UBE2A: variants seen among roughly 807,000 people sequenced by gnomAD.
UBE2A encodes the protein ubiquitin-conjugating enzyme E2 A.
For missense variants in UBE2A, 27 were observed against 125.8 expected (o/e 0.21, Z 3.76); for synonymous variants, 39 against 41.1 (o/e 0.95, Z 0.20).
Position 119,574,703 on chromosome X carries a change from G to T in UBE2A, c.-9G>T, listed in dbSNP as rs1031233446. 1.7e-6 allele frequency: 2 copies of T among 1,196,760 alleles called. No individual in the cohort carries two copies. The highest frequency in any genetic ancestry group is 3.5e-5 in the African/African-American group (2 of 57,701). On this transcript the variant is annotated 5_prime_UTR_variant, in exon 1 of 6. Coordinates refer to ENST00000371558, the MANE Select transcript of UBE2A (RefSeq NM_003336.4). ...CAGTGTATGCCCCACCCCTGACCCCGCTCGCGACATGTCCACCCCGGCTCG... is the reference window on the plus strand; with the variant it reads ...CAGTGTATGCCCCACCCCTGACCCCTCTCGCGACATGTCCACCCCGGCTCG...
intron 2 of UBE2A, 48 bp downstream of exon 2, chrX:119,575,029 G>C: frequency 8.4e-7 from 1 of 1,185,301 alleles, no homozygotes; most frequent in South Asian, 1.8e-5. Context: ...GACGCGAGCA[G>C]CTTCGGTCTG....
chrX:119,583,343 T>G lies in UBE2A; in HGVS notation c.*88T>G. On this transcript the variant is annotated 3_prime_UTR_variant, in exon 6 of 6. Coordinates refer to ENST00000371558, the MANE Select transcript of UBE2A (RefSeq NM_003336.4). ...CCCTACTCCTGTCATTACATTTACTTTATTAAAAGCAAAATAACTGTTGTG... is the reference window on the plus strand; with the variant it reads ...CCCTACTCCTGTCATTACATTTACTGTATTAAAAGCAAAATAACTGTTGTG... The G allele has an allele frequency of 1.7e-6, 2 of 1,163,891 alleles. No individual in the cohort carries two copies. Among genetic ancestry groups the G allele is most frequent in the Non-Finnish European group, 1.2e-6 (1 of 854,445 alleles).
chrX:119,575,982 T>A (rs1282538303), intron 3 of UBE2A, among the ~76,000 whole-genome samples: 1 of 112,324 alleles, frequency 8.9e-6, no homozygotes, highest in Non-Finnish European at 1.9e-5. Context: ...TAAGTGAATT[T>A]GCAGTGTGTG....
chrX:119,582,854 TG>T (rs1278920078), intron 5 of UBE2A, among the ~76,000 whole-genome samples, 178 bp downstream of exon 5: 9 of 110,804 alleles, frequency 8.1e-5, no homozygotes, highest in Non-Finnish European at 1.7e-4. Flanking sequence ...CGCTCACACC[TG>T]TAACCTCAGC....
intron 3 of UBE2A, among the ~76,000 whole-genome samples, chrX:119,577,621 A>C (rs1012988921): frequency 2.0e-5 from 2 of 101,333 alleles, no homozygotes; most frequent in African/African-American, 7.3e-5. Flanking sequence ...GTTCCCCCAC[A>C]AAAAAAATTT....
intron 3 of UBE2A, among the ~76,000 whole-genome samples, chrX:119,579,340 A>G (rs896539858): frequency 8.0e-5 from 9 of 112,113 alleles, no homozygotes; most frequent in Middle Eastern, 4.2e-3. Context: ...ATGTAGACCT[A>G]AAAGTACTGT....
At chrX:119,579,803 A>G (rs754260560) in intron 3 of UBE2A, among the ~76,000 whole-genome samples, 48 of 110,710 alleles carry the variant, frequency 4.3e-4, no homozygotes, top group African/African-American at 1.5e-3. Context: ...GTGCTATTAC[A>G]TCTGCCCAGT....
At chrX:119,582,528 T>C (rs1379047527) in intron 4 of UBE2A, 60 bp from the exon 5 acceptor site, 8 of 927,712 alleles carry the variant, frequency 8.6e-6, no homozygotes, top group Non-Finnish European at 1.2e-5. Context: ...TTGTTTTGTC[T>C]ATAATGTTAA....
intron 2 of UBE2A, 107 bp from the exon 3 acceptor site, chrX:119,575,268 C>T: frequency 9.0e-7 from 1 of 1,108,681 alleles, no homozygotes; most frequent in East Asian, 3.0e-5. Context: ...GGCTTCCGAC[C>T]CCGGTAGCGG....
In UBE2A at chrX:119,574,609, T is replaced by C; in HGVS notation, c.-103T>C. On this transcript the variant is annotated 5_prime_UTR_variant, in exon 1 of 6. Coordinates refer to ENST00000371558, the MANE Select transcript of UBE2A (RefSeq NM_003336.4). Reference sequence around the variant, plus strand: ...GAGGCAGCGCGGTTCCTCTGGGTGCTTCCGCCTCCCCTTCTCCTGCTTCTC... The same window carrying C: ...GAGGCAGCGCGGTTCCTCTGGGTGCCTCCGCCTCCCCTTCTCCTGCTTCTC... 1 of 1,081,536 alleles carries C rather than the reference T, an allele frequency of 9.2e-7. No individual in the cohort carries two copies. The highest frequency in any genetic ancestry group is 1.2e-6 in the Non-Finnish European group (1 of 801,039). The allele number at this position is 1,081,536 out of a possible 1,213,427, so 89.1% of individuals were successfully genotyped here. A position where few individuals can be genotyped will look rare whatever the true frequency, so the allele number is the denominator to read the frequency against.
intron 3 of UBE2A, chrX:119,575,634 T>G: frequency 2.4e-6 from 1 of 412,329 alleles, no homozygotes; most frequent in Non-Finnish European, 4.2e-6. Flanking sequence ...GGCAGTCACT[T>G]TTTAAAAGGA....
At chrX:119,578,646 G>A (rs1261167697) in intron 3 of UBE2A, among the ~76,000 whole-genome samples, 1 of 111,312 alleles carries the variant, frequency 9.0e-6, no homozygotes, top group African/African-American at 3.3e-5. Context: ...AACACCTGCA[G>A]GTGTGTTTTC....
intron 3 of UBE2A, among the ~76,000 whole-genome samples, chrX:119,578,961 C>G (rs1976091095): frequency 8.9e-6 from 1 of 112,037 alleles, no homozygotes; most frequent in Non-Finnish European, 1.9e-5. Context: ...AGTCTCAAGA[C>G]TGCATAATAC....
Position 119,582,691 on chromosome X carries a change from A to C in UBE2A, c.330+15A>C. 1.8e-6 allele frequency: 2 copies of C among 1,126,480 alleles called. No individual in the cohort carries two copies. Among genetic ancestry groups the C allele is most frequent in the South Asian group, 3.6e-5 (2 of 54,939 alleles). The allele number at this position is 1,126,480 out of a possible 1,213,427, so 92.8% of individuals were successfully genotyped here. ...CATCCATACAGGTGAATTTTTCCTT[A>C]ATGTGACGAACTATAACTTTTAATA... On this transcript the variant is annotated intron_variant, in intron 5 of 5. Transcript: ENST00000371558.
Position 119,583,210 on chromosome X carries a change from A to G in UBE2A, c.414A>G (p.Glu138=). 1 of 1,211,994 alleles carries G rather than the reference A, an allele frequency of 8.3e-7. No homozygotes were observed. Among genetic ancestry groups the G allele is most frequent in the Non-Finnish European group, 1.1e-6 (1 of 895,569 alleles). Residue 138 remains glutamate (E), a synonymous_variant, in exon 6 of 6, where the codon GAA becomes GAG. Transcript: ENST00000371558. ...ACCAGGAGAACAAACGGGAATATGA[A>G]AAGCGTGTTTCTGCAATAGTAGAAC... The part of the protein sequence containing the change: ...QLYQENKREY[E]KRVSAIVEQS...
intron 1 of UBE2A, 32 bp downstream of exon 1, chrX:119,574,787 T>G (rs778218305): frequency 8.4e-7 from 1 of 1,184,287 alleles, no homozygotes; most frequent in Non-Finnish European, 1.1e-6. Flanking sequence ...GGCCGGGGGT[T>G]GCGAGCTGGG....
intron 3 of UBE2A, among the ~76,000 whole-genome samples, chrX:119,578,583 T>C (rs1184429960): frequency 8.9e-6 from 1 of 111,850 alleles, no homozygotes; most frequent in African/African-American, 3.2e-5. Flanking sequence ...TTTGAAGTTA[T>C]ATGTATTTTG....
intron 3 of UBE2A, among the ~76,000 whole-genome samples, chrX:119,578,417 A>T (rs764571842): frequency 9.1e-6 from 1 of 110,106 alleles, no homozygotes; most frequent in East Asian, 2.8e-4. Context: ...AATCGTTTTT[A>T]TTTTTTTTTA....
rs766573658 is a variant in UBE2A at position 119,575,403 on chromosome X, A to G, written c.151+3A>G. 1.2e-5 allele frequency: 14 copies of G among 1,209,582 alleles called. No individual in the cohort carries two copies. The highest frequency in any genetic ancestry group is 2.3e-4 in the Middle Eastern group (1 of 4,376). On this transcript the variant is annotated splice_donor_region_variant and intron_variant, in intron 3 of 5. Transcript: ENST00000371558. ...TGAAGGGACCCCGTTTGAGGATGGT[A>G]AGAGAGAGTTTCTTTACCCACTTTT...
Sources: allele counts gnomAD v4.1 joint callset (sites outside exome capture counted in the v4.1 genomes callset), GRCh38; gene constraint gnomAD v4.1.1; transcripts MANE v1.5; gene names NCBI Gene and HGNC (gene_info 2026-07-23, HGNC 2026-07-21).